The following IST1 variants were observed in gnomAD, a reference collection of about 807,000 sequenced individuals.
IST1 encodes the protein IST1 homolog.
IST1 carries 23 observed loss-of-function variants against 37.0 expected under a neutral mutation model. The ratio of observed to expected loss-of-function variants is 0.62; its 90% CI spans 0.45 to 0.88. The LOEUF is 0.88. Ranked by LOEUF, IST1 falls within the 40% of genes least tolerant of loss-of-function variation. The pLI, the probability that IST1 is intolerant of heterozygous loss-of-function variation, is 0.00. For synonymous variants in IST1, 180 were observed against 161.7 expected, an observed-to-expected ratio of 1.11 and a Z score of -0.86; for missense variants, 488 against 445.4, an observed-to-expected ratio of 1.10 and a Z score of -0.86.
rs1238393002 is a variant in IST1, at chr16:71,917,095, T to A, written c.318T>A (p.Ala106=). ...AATCTGTGTCTACATTGATCTGGGC[T>A]GCTCCTCGACTCCAGTCAGAAGTGG... ...LAESVSTLIW[A]APRLQSEVAE... is the part of the protein sequence containing the mutation. Residue 106 remains alanine (A), a synonymous_variant, in exon 4 of 10, where the codon GCT becomes GCA. Coordinates refer to ENST00000378799, the MANE Select transcript of IST1 (RefSeq NM_001270975.2). 6.2e-7 allele frequency: 1 copy of A among 1,612,976 alleles called. No homozygotes were observed. Among genetic ancestry groups the A allele is most frequent in the Non-Finnish European group, 8.5e-7 (1 of 1,179,416 alleles).
intron 1 of IST1, among the ~76,000 whole-genome samples, chr16:71,911,358 T>A (rs72801784): frequency 1.9e-3 from 293 of 151,644 alleles, no homozygotes; most frequent in Admixed American, 2.6e-3. Flanking sequence ...TACCTTTTTT[T>A]AAAAAAAACT....
At chr16:71,925,657 A>G (rs2037724991) in intron 9 of IST1, among the ~76,000 whole-genome samples, 1 of 151,820 alleles carries the variant, frequency 6.6e-6, no homozygotes, top group South Asian at 2.1e-4. Flanking sequence ...TGTAGCTACC[A>G]CTCAATTAAA....
In IST1 at chr16:71,915,723, A is replaced by G. The variant is rs757591489; in HGVS notation, c.83A>G (p.Lys28Arg). Residue 28 changes from lysine (K) to arginine (R), a missense_variant, in exon 2 of 10, where the codon AAG (lysine) becomes AGG (arginine). By Grantham distance (26) the Lys-to-Arg change is conservative. This residue lies in a region of IST1 where 33 missense variants were observed against 59.3 expected (regional missense o/e 0.56). Transcript: ENST00000378799. ...VINRLKLLEKKKTELAQKARK... is the reference protein window; with the variant it reads ...VINRLKLLEKRKTELAQKARK... The stretch of plus-strand genomic sequence containing the variant: ...AATCGCCTTAAACTATTGGAGAAAA[A>G]GAAAAGTGAGTAGTGTACTTTTTTT... The G allele has an allele frequency of 5.0e-6, 8 of 1,599,220 alleles. No individual in the cohort carries two copies. The highest frequency in any genetic ancestry group is 6.9e-6 in the Non-Finnish European group (8 of 1,167,632).
chr16:71,929,300 A>G lies in IST1; in HGVS notation c.*1487A>G, dbSNP rs1182668784. The stretch of plus-strand genomic sequence containing the variant: ...TCATTTCCCGCAGCCATCCTGGGCC[A>G]TGGGTGGTGAGTTCTGTTACTTGCT... On this transcript the variant is annotated 3_prime_UTR_variant, in exon 10 of 10. Coordinates refer to ENST00000378799, the MANE Select transcript of IST1 (RefSeq NM_001270975.2). 2.5e-5 allele frequency: 9 copies of G among 363,602 alleles called. No homozygotes were observed. The highest frequency in any genetic ancestry group is 2.5e-5 in the Non-Finnish European group (5 of 202,492). The allele number at this position is 363,602 out of a possible 1,614,324, so 22.5% of individuals were successfully genotyped here. A position where few individuals can be genotyped will look rare whatever the true frequency, so the allele number is the denominator to read the frequency against.
chr16:71,895,100 A>C, upstream of IST1: 1 of 368,776 alleles, frequency 2.7e-6, no homozygotes, highest in Non-Finnish European at 5.0e-6. Context: ...CGCTCCACCC[A>C]GGGGGAAAGT....
chr16:71,924,844 A>C (rs370713992), intron 9 of IST1, 27 bp downstream of exon 9: 7 of 1,510,560 alleles, frequency 4.6e-6, no homozygotes, highest in Middle Eastern at 1.7e-4. Context: ...AGAAACCTGC[A>C]GAGCTCAGTG....
intron 1 of IST1, 126 bp from the exon 2 acceptor site, chr16:71,915,500 G>T: frequency 1.6e-6 from 1 of 614,248 alleles, no homozygotes; most frequent in South Asian, 2.1e-5. Flanking sequence ...ATGTGAATTA[G>T]ATCATGTCAT....
chr16:71,924,922 T>C, intron 9 of IST1, 105 bp downstream of exon 9: 1 of 776,094 alleles, frequency 1.3e-6, no homozygotes, highest in Non-Finnish European at 2.3e-6. Context: ...CATGGACTTC[T>C]ATCTGCATGC....
chr16:71,902,651 G>A (rs2037133916), intron 1 of IST1, among the ~76,000 whole-genome samples: 1 of 152,226 alleles, frequency 6.6e-6, no homozygotes, highest in South Asian at 2.1e-4. Context: ...GAGTTTCTGA[G>A]GGATTTGTTT....
intron 1 of IST1, among the ~76,000 whole-genome samples, chr16:71,910,743 G>A (rs1221990738): frequency 6.6e-6 from 1 of 152,184 alleles, no homozygotes; most frequent in African/African-American, 2.4e-5. Flanking sequence ...AAGGGCAAGG[G>A]TGGTTATGTA....
intron 1 of IST1, among the ~76,000 whole-genome samples, chr16:71,909,095 C>T (rs74619575): frequency 6.0e-4 from 62 of 102,926 alleles, no homozygotes; most frequent in African/African-American, 1.3e-3. Context: ...TTTTGTTTGT[C>T]TTTTTTTTTT....
chr16:71,923,822 C>T (rs945484631), intron 8 of IST1, among the ~76,000 whole-genome samples: 1 of 152,176 alleles, frequency 6.6e-6, no homozygotes, highest in Non-Finnish European at 1.5e-5. Context: ...TACATGTCGG[C>T]CGACAGCATT....
chr16:71,908,439 A>G (rs961446013), intron 1 of IST1, among the ~76,000 whole-genome samples: 28 of 151,392 alleles, frequency 1.8e-4, no homozygotes, highest in East Asian at 1.2e-3. Flanking sequence ...AGCTGGGACT[A>G]CAGGCGTGTG....
At chr16:71,906,367 G>A (rs1310127656) in intron 1 of IST1, among the ~76,000 whole-genome samples, 1 of 151,870 alleles carries the variant, frequency 6.6e-6, no homozygotes, top group Non-Finnish European at 1.5e-5. Context: ...GAATGCAGTG[G>A]TCCGATCTCA....
intron 1 of IST1, among the ~76,000 whole-genome samples, chr16:71,902,068 CAA>C (rs923773601): frequency 6.6e-6 from 1 of 152,162 alleles, no homozygotes; most frequent in Non-Finnish European, 1.5e-5. Context: ...ATTTATTTAA[CAA>C]ATGTTTACAT....
intron 1 of IST1, chr16:71,903,204 C>T (rs1459214866): frequency 6.6e-6 from 1 of 152,250 alleles, no homozygotes; most frequent in African/African-American, 2.4e-5. Flanking sequence ...TGGTCTCAAA[C>T]TCCTGGCCTC....
intron 4 of IST1, among the ~76,000 whole-genome samples, chr16:71,919,447 G>T (rs528888312): frequency 2.6e-5 from 4 of 152,312 alleles, no homozygotes; most frequent in Middle Eastern, 6.8e-3. Flanking sequence ...GCAGTGGCAC[G>T]ATCTTGCCTC....
Position 71,927,056 on chromosome 16 carries a change from C to T in IST1, c.902-558C>T, listed in dbSNP as rs113977111. On this transcript the variant is annotated intron_variant, in intron 9 of 9. Coordinates refer to ENST00000378799, the MANE Select transcript of IST1 (RefSeq NM_001270975.2). ...AAGTAACAGACCTTATGAAAAGGAACAGTCGATTGCTCTGTGGATGTGGCC... is the reference window on the plus strand; with the variant it reads ...AAGTAACAGACCTTATGAAAAGGAATAGTCGATTGCTCTGTGGATGTGGCC... 4.6e-5 allele frequency among the ~76,000 whole-genome samples: 7 copies of T among 152,304 alleles called. 1 individual carries two copies. Among genetic ancestry groups the T allele is most frequent in the East Asian group, 1.9e-4 (1 of 5,188 alleles).
At chr16:71,926,010 G>T (rs747861071) in intron 9 of IST1, among the ~76,000 whole-genome samples, 2 of 152,004 alleles carry the variant, frequency 1.3e-5, no homozygotes, top group Non-Finnish European at 2.9e-5. Context: ...GGCCGGGTGC[G>T]GTGGCTCACC....
Sources: allele counts gnomAD v4.1 joint callset (sites outside exome capture counted in the v4.1 genomes callset), GRCh38; gene constraint gnomAD v4.1.1; regional missense constraint gnomAD v4.1.1; transcripts MANE v1.5; gene names NCBI Gene and HGNC (gene_info 2026-07-23, HGNC 2026-07-21).